The following TMCO2 variants were observed in gnomAD, a reference collection of about 807,000 sequenced individuals.
TMCO2 encodes transmembrane and coiled-coil domains 2.
TMCO2 carries 15 observed loss-of-function variants against 18.0 expected under a neutral mutation model. That is an observed-to-expected ratio of 0.84 (90% CI 0.56 to 1.29). The LOEUF is 1.29. Among genes scored for constraint, TMCO2 ranks in the 50% most tolerant of loss-of-function variants. The pLI, the probability that TMCO2 is intolerant of heterozygous loss-of-function variation, is 0.00. For missense variants in TMCO2, 182 were observed against 200.9 expected (o/e 0.91, Z 0.57); for synonymous variants, 79 against 75.9 (o/e 1.04, Z -0.21).
rs2124568361 is a variant in TMCO2, at chr1:40,248,183, G to A, written c.190G>A (p.Gly64Arg). The A allele has an allele frequency of 6.2e-7, 1 of 1,614,004 alleles. No individual in the cohort carries two copies. Among genetic ancestry groups the A allele is most frequent in the East Asian group, 2.2e-5 (1 of 44,872 alleles). Residue 64 changes from glycine to arginine, a missense_variant, in exon 1 of 2, where the codon GGA (glycine) becomes AGA (arginine). Transcript: ENST00000372766. Reference sequence around the variant, plus strand: ...GAGGATTTCTTTCTTGATTTTATTGGGAATAGGAATATATGCCTTATGGAA... The same window carrying A: ...GAGGATTTCTTTCTTGATTTTATTGAGAATAGGAATATATGCCTTATGGAA... ...ILRISFLILL[G>R]IGIYALWKRS... is the part of the protein sequence containing the mutation.
intron 1 of TMCO2, among the ~76,000 whole-genome samples, chr1:40,249,472 A>G (rs1643363835): frequency 6.6e-6 from 1 of 151,622 alleles, no homozygotes; most frequent in African/African-American, 2.4e-5. Flanking sequence ...CCAGCTACTC[A>G]GGAGGCTGAG....
intron 1 of TMCO2, among the ~76,000 whole-genome samples, chr1:40,250,141 C>A (rs1643369731): frequency 6.6e-6 from 1 of 151,374 alleles, no homozygotes; most frequent in South Asian, 2.1e-4. Flanking sequence ...GAACCATAGG[C>A]ATGCACCACC....
chr1:40,250,036 G>A (rs1014842939), intron 1 of TMCO2, among the ~76,000 whole-genome samples: 7 of 150,670 alleles, frequency 4.6e-5, no homozygotes, highest in African/African-American at 1.2e-4. Context: ...TTGCTCTGTC[G>A]CCCAGGCTGG....
intron 1 of TMCO2, among the ~76,000 whole-genome samples, chr1:40,248,497 C>T (rs1312958168): frequency 1.3e-5 from 2 of 152,154 alleles, no homozygotes; most frequent in African/African-American, 2.4e-5. Flanking sequence ...CAGCCTTACC[C>T]TCAAAAATTT....
At chr1:40,250,414 A>G (rs1643372882) in intron 1 of TMCO2, among the ~76,000 whole-genome samples, 1 of 151,298 alleles carries the variant, frequency 6.6e-6, no homozygotes, top group Non-Finnish European at 1.5e-5. Context: ...CCATCATAGC[A>G]CACTACTCCT....
chr1:40,249,786 G>C (rs1254399299), intron 1 of TMCO2, among the ~76,000 whole-genome samples: 8 of 151,724 alleles, frequency 5.3e-5, no homozygotes, highest in African/African-American at 1.9e-4. Flanking sequence ...CAATTCTCCT[G>C]CCTCACCCTC....
chr1:40,248,309 GT>G, intron 1 of TMCO2, 79 bp downstream of exon 1: 1 of 1,248,986 alleles, frequency 8.0e-7, no homozygotes, highest in Non-Finnish European at 1.1e-6. Flanking sequence ...GCTGCCACCA[GT>G]TTTAAGATCA....
Position 40,251,520 on chromosome 1 carries a change from T to C in TMCO2, c.475T>C (p.Ser159Pro). 6.2e-7 allele frequency: 1 copy of C among 1,613,964 alleles called. No individual in the cohort carries two copies. Among genetic ancestry groups the C allele is most frequent in the Non-Finnish European group, 8.5e-7 (1 of 1,179,994 alleles). ...AQKPATKRDC[S>P]SEPYCSCSDC... ...AAAACCTGCCACGAAGAGGGATTGC[T>C]CCTCTGAGCCCTACTGCAGCTGCTC... is the stretch of plus-strand genomic sequence containing the variant. The change falls in exon 2 of 2, where the codon TCC (serine) becomes CCC (proline). Residue 159 changes from serine to proline, a missense_variant. Physicochemically the swap from Ser to Pro is moderately conservative, Grantham distance 74. Transcript: ENST00000372766.
In TMCO2 at chr1:40,251,303, C is replaced by A. The variant is rs766797814; in HGVS notation, c.258C>A (p.Ile86=). 16 of 1,611,054 alleles carry A rather than the reference C, an allele frequency of 9.9e-6. No individual in the cohort carries two copies. Among genetic ancestry groups the A allele is most frequent in the Non-Finnish European group, 1.3e-5 (15 of 1,179,336 alleles). The change falls in exon 2 of 2, where the codon ATC becomes ATA. Residue 86 remains isoleucine (I), a synonymous_variant. Coordinates refer to ENST00000372766, the MANE Select transcript of TMCO2 (RefSeq NM_001008740.4). ...TTTAGAAAACATTGTTGTTTGTAAT[C>A]ACACTCTACAAACTTTACAAGAAGG... The part of the protein sequence containing the change: ...QSIQKTLLFV[I]TLYKLYKKGS...
intron 1 of TMCO2, among the ~76,000 whole-genome samples, chr1:40,250,540 C>G (rs189832452): frequency 6.6e-6 from 1 of 152,184 alleles, no homozygotes; most frequent in Non-Finnish European, 1.5e-5. Flanking sequence ...ACCAAGAAAT[C>G]CAGTTTTTCA....
At position 40,248,784 on chromosome 1, in the gene TMCO2, C is replaced by T. The variant is rs61781062; in HGVS notation, c.237+554C>T. On this transcript the variant is annotated intron_variant, in intron 1 of 1. Transcript: ENST00000372766. ...TGTAGTCACCAATAATAATAGTTGA[C>T]ATACAATATAGTTGAATGCTTTGAG... Among the ~76,000 whole-genome samples the T allele has an allele frequency of 3.7e-3, 558 of 152,222 alleles. 13 individuals carry two copies. Among genetic ancestry groups the T allele is most frequent in the East Asian group, 0.032 (165 of 5,186 alleles).
rs1201166143 is a variant in TMCO2 at position 40,251,526 on chromosome 1, G to A, written c.481G>A (p.Glu161Lys). The part of the protein sequence containing the change: ...KPATKRDCSS[E>K]PYCSCSDCQS... ...TGCCACGAAGAGGGATTGCTCCTCT[G>A]AGCCCTACTGCAGCTGCTCTGACTG... The change falls in exon 2 of 2, where the codon GAG (glutamate) becomes AAG (lysine). Residue 161 changes from glutamate (E) to lysine (K), a missense_variant. Physicochemically the swap from Glu to Lys is moderately conservative, Grantham distance 56 (BLOSUM62 1). Coordinates refer to ENST00000372766, the MANE Select transcript of TMCO2 (RefSeq NM_001008740.4). 4 of 1,613,754 alleles carry A rather than the reference G, an allele frequency of 2.5e-6. No homozygotes were observed. Among genetic ancestry groups the A allele is most frequent in the African/African-American group, 1.3e-5 (1 of 74,916 alleles).
At position 40,248,945 on chromosome 1, in the gene TMCO2, G is replaced by C. The variant is rs533752703; in HGVS notation, c.237+715G>C. On this transcript the variant is annotated intron_variant, in intron 1 of 1. Transcript: ENST00000372766. ...CTTTCTTAGAGTGACAAGTTTACTTGATAAATGCAGAGAGAAGTTGTTATT... is the reference window on the plus strand; with the variant it reads ...CTTTCTTAGAGTGACAAGTTTACTTCATAAATGCAGAGAGAAGTTGTTATT... Among the ~76,000 whole-genome samples, 18 of 152,286 alleles carry C rather than the reference G, an allele frequency of 1.2e-4. No individual in the cohort carries two copies. The South Asian group carries it at 1.7e-3, about 14-fold the overall frequency.
intron 1 of TMCO2, among the ~76,000 whole-genome samples, chr1:40,250,446 C>T (rs989350336): frequency 6.6e-6 from 1 of 152,078 alleles, no homozygotes; most frequent in South Asian, 2.1e-4. Flanking sequence ...ATCCTCCCAC[C>T]TTACCCTCCC....
chr1:40,251,235 A>T lies in TMCO2; in HGVS notation c.238-48A>T, dbSNP rs145950959. ...TTTTTGTTTTGTTTTTCTCTTATAGATAGTAAACTGTAGCAACTAACACTC... is the reference window on the plus strand; with the variant it reads ...TTTTTGTTTTGTTTTTCTCTTATAGTTAGTAAACTGTAGCAACTAACACTC... On this transcript the variant is annotated intron_variant, in intron 1 of 1. Coordinates refer to ENST00000372766, the MANE Select transcript of TMCO2 (RefSeq NM_001008740.4). 498 of 1,510,036 alleles carry T rather than the reference A, an allele frequency of 3.3e-4. 3 individuals carry two copies. In the East Asian group the frequency reaches 0.011, roughly 34 times the overall value. 93.5% of individuals were successfully genotyped at this position (1,510,036 alleles called of 1,614,324 possible). A position where few individuals can be genotyped will look rare whatever the true frequency, so the allele number is the denominator to read the frequency against.
At chr1:40,249,806 T>C (rs1396223429) in intron 1 of TMCO2, among the ~76,000 whole-genome samples, 1 of 151,828 alleles carries the variant, frequency 6.6e-6, no homozygotes, top group Non-Finnish European at 1.5e-5. Flanking sequence ...CCCGAGTAGC[T>C]GGGATTACAG....
Position 40,251,427 on chromosome 1 carries a change from A to G in TMCO2, c.382A>G (p.Lys128Glu), listed in dbSNP as rs760269551. 1 of 1,613,802 alleles carries G rather than the reference A, an allele frequency of 6.2e-7. No homozygotes were observed. The highest frequency in any genetic ancestry group is 1.3e-5 in the African/African-American group (1 of 74,890). ...TTTCCTGTCCTTGGGTCTGCAAGAG[A>G]AAATTTTGAAAAAACTTAAGACAGT... is the stretch of plus-strand genomic sequence containing the variant. ...NLFLSLGLQEKILKKLKTVEN... is the reference protein window; with the variant it reads ...NLFLSLGLQEEILKKLKTVEN... Residue 128 changes from lysine to glutamate, a missense_variant, in exon 2 of 2, where the codon AAA becomes GAA. Physicochemically the swap from Lys to Glu is moderately conservative, Grantham distance 56. Transcript: ENST00000372766.
intron 1 of TMCO2, among the ~76,000 whole-genome samples, chr1:40,250,529 G>T (rs1643373455): frequency 6.6e-6 from 1 of 151,966 alleles, no homozygotes; most frequent in African/African-American, 2.4e-5. Context: ...CCTTTTCCAT[G>T]ACCAAGAAAT....
At position 40,248,228 on chromosome 1, in the gene TMCO2, C is replaced by A; in HGVS notation, c.235C>A (p.Gln79Lys). The A allele has an allele frequency of 6.2e-7, 1 of 1,604,228 alleles. No homozygotes were observed. Among genetic ancestry groups the A allele is most frequent in the South Asian group, 1.1e-5 (1 of 90,736 alleles). ...ATGGAAACGAAGTATTCAGTCAATT[C>A]AGGTTATACTCTTTTGTTACAAACA... ...ALWKRSIQSIQKTLLFVITLY... is the reference protein window; with the variant it reads ...ALWKRSIQSIKKTLLFVITLY... The change falls in exon 1 of 2, where the codon CAG becomes AAG. Residue 79 changes from glutamine to lysine, a missense_variant and splice_region_variant. By Grantham distance (53) the Gln-to-Lys change is moderately conservative (BLOSUM62 1). Transcript: ENST00000372766.
Sources: gnomAD v4.1 joint callset for allele counts (sites outside exome capture counted in the v4.1 genomes callset) on GRCh38, gnomAD v4.1.1 for gene constraint, MANE v1.5 for transcripts, NCBI Gene and HGNC (gene_info 2026-07-23, HGNC 2026-07-21) for gene names.